PTP4A3: variants seen among roughly 807,000 people sequenced by gnomAD.
PTP4A3 encodes the protein protein tyrosine phosphatase 4A3.
A neutral mutation model predicts 15.2 loss-of-function variants in PTP4A3; 9 were observed. The ratio of observed to expected loss-of-function variants is 0.59; its 90% confidence interval spans 0.36 to 1.03. The LOEUF (loss-of-function observed/expected upper bound fraction) is 1.03. PTP4A3 is among the 50% of genes least tolerant of loss of function. The probability of loss-of-function intolerance (pLI) is 0.02; values close to 1 mark genes in which losing one functional copy is unlikely to be tolerated. For missense variants in PTP4A3, 234 were observed against 252.1 expected (o/e 0.93, Z 0.49); for synonymous variants, 95 against 102.0 (o/e 0.93, Z 0.41).
At chr8:141,422,704 C>T (rs1437651873) in intron 2 of PTP4A3, among the ~76,000 whole-genome samples, 2 of 152,146 alleles carry the variant, frequency 1.3e-5, no homozygotes, top group African/African-American at 2.4e-5. Flanking sequence ...CCTCCCGAGC[C>T]CTTTGCTGTC....
At chr8:141,401,773 C>T (rs969304211) in intron 1 of PTP4A3, among the ~76,000 whole-genome samples, 1 of 152,198 alleles carries the variant, frequency 6.6e-6, no homozygotes, top group African/African-American at 2.4e-5. Context: ...CAGAGAACAG[C>T]AGGTGGAGCG....
intron 1 of PTP4A3, among the ~76,000 whole-genome samples, chr8:141,411,167 C>G (rs1832858763): frequency 6.6e-6 from 1 of 152,186 alleles, no homozygotes. Flanking sequence ...TGGCCGAGCC[C>G]CGCTTTTTCT....
chr8:141,413,552 G>A (rs1586548791), intron 1 of PTP4A3, among the ~76,000 whole-genome samples: 1 of 152,250 alleles, frequency 6.6e-6, no homozygotes, highest in East Asian at 1.9e-4. Flanking sequence ...GCTGCTGGCA[G>A]GTGTGTTATA....
In PTP4A3 at chr8:141,431,412, C is replaced by T; in HGVS notation, c.*368C>T. The T allele has an allele frequency of 7.3e-6, 2 of 274,696 alleles. No individual in the cohort carries two copies. Among genetic ancestry groups the T allele is most frequent in the Non-Finnish European group, 6.8e-6 (1 of 146,018 alleles). 17.0% of individuals were successfully genotyped at this position (274,696 alleles called of 1,614,324 possible). ...TATTTTGTAACCACTGGGCCCCCAG[C>T]CCCTCTTTTGCGACCCCTTGTCCTG... is the stretch of plus-strand genomic sequence containing the variant. On this transcript the variant is annotated 3_prime_UTR_variant, in exon 6 of 6. Coordinates refer to ENST00000521578, the MANE Select transcript of PTP4A3 (RefSeq NM_032611.3).
At chr8:141,404,145 C>T (rs1396138193) in intron 1 of PTP4A3, among the ~76,000 whole-genome samples, 1 of 152,278 alleles carries the variant, frequency 6.6e-6, no homozygotes, top group Non-Finnish European at 1.5e-5. Context: ...AGGGAGAAAA[C>T]CCACACAGAC....
In PTP4A3 at chr8:141,394,923, G is replaced by A. The variant is rs183251999; in HGVS notation, c.-854+2839G>A. On this transcript the variant is annotated intron_variant, in intron 1 of 5. Coordinates refer to ENST00000521578, the MANE Select transcript of PTP4A3 (RefSeq NM_032611.3). ...GGCGCCCCGCGAGTTGGGTGTGTGC[G>A]GTTGGGGGCGGCCCAGAGTGTGCCC... 4.0e-3 allele frequency among the ~76,000 whole-genome samples: 613 copies of A among 152,372 alleles called. 6 individuals are homozygous for A. The highest frequency in any genetic ancestry group is 0.011 in the African/African-American group (471 of 41,598).
At chr8:141,423,107 G>T (rs1257701622) in intron 2 of PTP4A3, among the ~76,000 whole-genome samples, 2 of 152,240 alleles carry the variant, frequency 1.3e-5, no homozygotes, top group Non-Finnish European at 1.5e-5. Flanking sequence ...GTCATTTATG[G>T]CTGAGTCCTT....
rs367738731 is a variant in PTP4A3 at position 141,422,231 on chromosome 8, G to A, written c.-10G>A. ...TCCCTTCTGCCCTGCCGGGCCCGTC[G>A]GGAGGCGCCATGGCTCGGATGAACC... On this transcript the variant is annotated 5_prime_UTR_variant, in exon 2 of 6. Coordinates refer to ENST00000521578, the MANE Select transcript of PTP4A3 (RefSeq NM_032611.3). 1.4e-5 allele frequency: 22 copies of A among 1,612,758 alleles called. No individual in the cohort carries two copies. Among genetic ancestry groups the A allele is most frequent in the African/African-American group, 2.7e-5 (2 of 74,914 alleles).
rs926136096 is a variant in PTP4A3 at position 141,406,699 on chromosome 8, T to C, written c.-854+14615T>C. On this transcript the variant is annotated intron_variant, in intron 1 of 5. Transcript: ENST00000521578. This position sits in a 1 kb window ranked among gnomAD's most constrained non-coding sequence, Gnocchi z 4.5. Reference sequence around the variant, plus strand: ...TCTGTGTGGCACAGAAGATGGCGAGTGGTGACGGCTGTGTTGCCTGCATGC... The same window carrying C: ...TCTGTGTGGCACAGAAGATGGCGAGCGGTGACGGCTGTGTTGCCTGCATGC... Among the ~76,000 whole-genome samples, 1 of 152,040 alleles carries C rather than the reference T, an allele frequency of 6.6e-6. No individual in the cohort carries two copies. Among genetic ancestry groups the C allele is most frequent in the Non-Finnish European group, 1.5e-5 (1 of 67,996 alleles).
At chr8:141,403,736 G>A (rs546574193) in intron 1 of PTP4A3, among the ~76,000 whole-genome samples, 2 of 152,330 alleles carry the variant, frequency 1.3e-5, no homozygotes, top group Admixed American at 1.3e-4. Context: ...CCAGCTTTCC[G>A]TGGGCCAGTG....
intron 1 of PTP4A3, among the ~76,000 whole-genome samples, chr8:141,409,468 A>G (rs1832811961): frequency 1.3e-5 from 2 of 151,914 alleles, no homozygotes. Context: ...TTGTGGCCCG[A>G]CCTCCTGCCC....
At chr8:141,423,134 A>G (rs1168081399) in intron 2 of PTP4A3, among the ~76,000 whole-genome samples, 1 of 152,150 alleles carries the variant, frequency 6.6e-6, no homozygotes, top group Non-Finnish European at 1.5e-5. Flanking sequence ...GTGACATGAG[A>G]TAAGCCATCA....
At chr8:141,429,090 A>G (rs965233292) in intron 5 of PTP4A3, among the ~76,000 whole-genome samples, 5 of 152,170 alleles carry the variant, frequency 3.3e-5, no homozygotes, top group Non-Finnish European at 5.9e-5. Context: ...CCAGGCCTGA[A>G]CCCCAACGAC....
chr8:141,428,530 C>G (rs546814272), intron 5 of PTP4A3, among the ~76,000 whole-genome samples: 1 of 152,336 alleles, frequency 6.6e-6, no homozygotes, highest in African/African-American at 2.4e-5. Flanking sequence ...CTCGGACAGG[C>G]TTGGCTGGTG....
chr8:141,422,284 A>G lies in PTP4A3; in HGVS notation c.44A>G (p.Lys15Arg), dbSNP rs1833369389. ...CCGGCCCCGGTGGAGGTGAGCTACA[A>G]ACACATGCGCTTCCTCATCACCCAC... ...NRPAPVEVSY[K>R]HMRFLITHNP... Residue 15 changes from lysine to arginine, a missense_variant, in exon 2 of 6, where the codon AAA (lysine) becomes AGA (arginine). Coordinates refer to ENST00000521578, the MANE Select transcript of PTP4A3 (RefSeq NM_032611.3). The G allele has an allele frequency of 5.6e-6, 9 of 1,613,154 alleles. No individual in the cohort carries two copies. The highest frequency in any genetic ancestry group is 7.6e-6 in the Non-Finnish European group (9 of 1,179,998).
chr8:141,425,235 C>T lies in PTP4A3; in HGVS notation c.198+95C>T. The T allele has an allele frequency of 4.8e-6, 6 of 1,247,590 alleles. No homozygotes were observed. Among genetic ancestry groups the T allele is most frequent in the Non-Finnish European group, 6.8e-6 (6 of 888,522 alleles). 77.3% of individuals were successfully genotyped at this position (1,247,590 alleles called of 1,614,324 possible). On this transcript the variant is annotated intron_variant, in intron 3 of 5. Coordinates refer to ENST00000521578, the MANE Select transcript of PTP4A3 (RefSeq NM_032611.3). This position sits in a 1 kb window ranked among gnomAD's most constrained non-coding sequence, Gnocchi z 4.2. ...CCTGCGCAGAGGGTTTGGTGCCCCT[C>T]CTGTGGCAGCCCTGGGCATGTCTGT...
intron 1 of PTP4A3, among the ~76,000 whole-genome samples, chr8:141,407,763 TGCCATGTTG>T (rs1832766726): frequency 6.6e-6 from 1 of 151,994 alleles, no homozygotes; most frequent in Non-Finnish European, 1.5e-5. Context: ...GATGGGGTTT[TGCCATGTTG>T]GCCAGGCTGG....
At chr8:141,395,773 G>A (rs1832435403) in intron 1 of PTP4A3, among the ~76,000 whole-genome samples, 1 of 151,882 alleles carries the variant, frequency 6.6e-6, no homozygotes, top group African/African-American at 2.4e-5. Flanking sequence ...CATCTACCCA[G>A]TGGGGATGTC....
rs1211089104 is a variant in PTP4A3 at position 141,431,127 on chromosome 8, C to T, written c.*83C>T. ...AGGCCCTGCCCAGCCCTGCTCTGCC[C>T]AGCCCAGCAGGGGCTCCAGGCCTTG... On this transcript the variant is annotated 3_prime_UTR_variant, in exon 6 of 6. Coordinates refer to ENST00000521578, the MANE Select transcript of PTP4A3 (RefSeq NM_032611.3). The T allele has an allele frequency of 3.7e-6, 5 of 1,336,362 alleles. No homozygotes were observed. Among genetic ancestry groups the T allele is most frequent in the African/African-American group, 1.5e-5 (1 of 68,168 alleles). 82.8% of individuals were successfully genotyped at this position (1,336,362 alleles called of 1,614,324 possible).
Sources: gnomAD v4.1 joint callset for allele counts (sites outside exome capture counted in the v4.1 genomes callset) on GRCh38, gnomAD v4.1.1 for gene constraint, Gnocchi (gnomAD v3.1) non-coding constraint, MANE v1.5 for transcripts, NCBI Gene and HGNC (gene_info 2026-07-23, HGNC 2026-07-21) for gene names.